LMLN: variants seen among roughly 807,000 people sequenced by gnomAD.
The protein encoded by LMLN is leishmanolysin-like peptidase.
A neutral mutation model predicts 92.3 loss-of-function variants in LMLN; 70 were observed. The ratio of observed to expected loss-of-function variants is 0.76; its 90% CI spans 0.63 to 0.92. The LOEUF (loss-of-function observed/expected upper bound fraction) is 0.92, where lower values mean the gene tolerates loss of function less well. Among genes scored for constraint, LMLN ranks in the 40% least tolerant of loss-of-function variants. The pLI, the probability that LMLN is intolerant of heterozygous loss-of-function variation, is 0.00. For missense variants in LMLN, 691 were observed against 814.6 expected (o/e 0.85, Z 1.85); for synonymous variants, 308 against 296.2 (o/e 1.04, Z -0.41).
At chr3:198,010,842 C>T (rs1470050468) in intron 11 of LMLN, among the ~76,000 whole-genome samples, 1 of 152,154 alleles carries the variant, frequency 6.6e-6, no homozygotes. Flanking sequence ...AAATTTTCCT[C>T]TTAGCATTTC....
intron 10 of LMLN, among the ~76,000 whole-genome samples, chr3:197,996,894 GC>G (rs1722034778): frequency 6.6e-6 from 1 of 152,096 alleles, no homozygotes; most frequent in Admixed American, 6.6e-5. Context: ...CAGTCCTCCT[GC>G]CTCAGCCTCC....
intron 8 of LMLN, 144 bp downstream of exon 8, chr3:197,986,034 G>C (rs1437186839): frequency 1.7e-6 from 1 of 580,384 alleles, no homozygotes; most frequent in Admixed American, 3.0e-5. Flanking sequence ...AACAAAATGG[G>C]ATATAAGAGG....
chr3:197,991,803 A>C (rs1305551564), intron 9 of LMLN, among the ~76,000 whole-genome samples: 1 of 151,868 alleles, frequency 6.6e-6, no homozygotes, highest in Admixed American at 6.6e-5. Context: ...CCCATCTCTG[A>C]AAATCTCTAA....
chr3:197,988,237 G>T (rs377600200), intron 8 of LMLN, among the ~76,000 whole-genome samples: 1 of 151,120 alleles, frequency 6.6e-6, no homozygotes, highest in South Asian at 2.1e-4. Context: ...TCCTGCCTCC[G>T]TCTCTCAAGC....
In LMLN at chr3:198,000,462, C is replaced by G. The variant is rs187342012; in HGVS notation, c.1232+1120C>G. On this transcript the variant is annotated intron_variant, in intron 11 of 15. Transcript: ENST00000330198. ...TCTTTTTTTGAGACGGAGTGTTGCT[C>G]TGTCACCCAGGCTGGAGTGCAGTGG... Among the ~76,000 whole-genome samples, 91 of 152,268 alleles carry G rather than the reference C, an allele frequency of 6.0e-4. 2 individuals carry two copies. The highest frequency in any genetic ancestry group is 4.9e-4 in the Non-Finnish European group (33 of 68,018).
At chr3:198,038,685 T>G in exon 16 of LMLN, 1 of 1,534,692 alleles carries the variant, frequency 6.5e-7, no homozygotes, top group African/African-American at 1.4e-5. Context: ...AAAGTGGATC[T>G]TCAAGATATT....
intron 14 of LMLN, among the ~76,000 whole-genome samples, chr3:198,030,063 C>T (rs554275409): frequency 6.6e-6 from 1 of 152,172 alleles, no homozygotes; most frequent in East Asian, 1.9e-4. Flanking sequence ...AGGCTGGTCT[C>T]AAAATCCTGA....
At chr3:197,985,690 G>A (rs1721686480) in intron 7 of LMLN, 106 bp from the exon 8 acceptor site, 3 of 636,148 alleles carry the variant, frequency 4.7e-6, no homozygotes, top group Admixed American at 2.5e-5. Flanking sequence ...AAGCACTGGC[G>A]TGGTGCTTCT....
At chr3:198,001,725 CTACAT>C (rs1452416114) in intron 11 of LMLN, among the ~76,000 whole-genome samples, 2 of 152,158 alleles carry the variant, frequency 1.3e-5, no homozygotes, top group Non-Finnish European at 2.9e-5. Flanking sequence ...TTGGAAGATG[CTACAT>C]TACACATTTG....
intron 11 of LMLN, among the ~76,000 whole-genome samples, chr3:198,006,189 G>A (rs1161841876): frequency 6.6e-6 from 1 of 152,136 alleles, no homozygotes; most frequent in African/African-American, 2.4e-5. Context: ...ACTTTTGAGC[G>A]TGGCTTTTTT....
chr3:197,976,845 A>G, intron 5 of LMLN, 130 bp downstream of exon 5: 1 of 465,438 alleles, frequency 2.1e-6, no homozygotes, highest in Non-Finnish European at 4.0e-6. Flanking sequence ...GTAACCACAG[A>G]TATGCTGATT....
chr3:198,038,852 C>T, exon 16 of LMLN: 1 of 502,170 alleles, frequency 2.0e-6, no homozygotes, highest in Non-Finnish European at 3.6e-6. Flanking sequence ...ATCAGCAACC[C>T]AACCACCTTC....
intron 11 of LMLN, among the ~76,000 whole-genome samples, chr3:198,013,662 C>G (rs1722521565): frequency 7.6e-6 from 1 of 132,102 alleles, no homozygotes; most frequent in Non-Finnish European, 1.6e-5. Context: ...TTCAGAGCCC[C>G]CTAACTAGTC....
At chr3:197,960,406 C>T (rs1336105094) in exon 1 of LMLN, 2 of 1,613,966 alleles carry the variant, frequency 1.2e-6, no homozygotes, top group Middle Eastern at 1.6e-4. Flanking sequence ...GGCAGTTCCC[C>T]TCCCTGCCGG....
intron 14 of LMLN, among the ~76,000 whole-genome samples, chr3:198,027,643 C>T (rs913442598): frequency 3.9e-5 from 6 of 152,148 alleles, no homozygotes; most frequent in Admixed American, 3.3e-4. Flanking sequence ...TTTTACTTAG[C>T]GTGGCATTCT....
intron 10 of LMLN, among the ~76,000 whole-genome samples, chr3:197,996,838 T>G (rs181683678): frequency 2.0e-5 from 3 of 152,126 alleles, no homozygotes; most frequent in Non-Finnish European, 2.9e-5. Flanking sequence ...GCTATTCACA[T>G]GCATGATCAT....
At chr3:197,971,006 T>C (rs1477988364) in intron 1 of LMLN, among the ~76,000 whole-genome samples, 1 of 152,230 alleles carries the variant, frequency 6.6e-6, no homozygotes, top group Non-Finnish European at 1.5e-5. Context: ...TTCCTCTTCA[T>C]TTTTGAAGGG....
At chr3:198,038,467 T>C in intron 15 of LMLN, 100 bp from the exon 17 acceptor site, 6 of 879,778 alleles carry the variant, frequency 6.8e-6, no homozygotes, top group Middle Eastern at 2.3e-4. Context: ...GGTCCTTGTT[T>C]ACTTTTTAAT....
rs1387193933 is a variant in LMLN at position 197,999,247 on chromosome 3, C to T, written c.1156-19C>T. On this transcript the variant is annotated intron_variant, in intron 10 of 15. Transcript: ENST00000330198. ...TTGCAGAGAATCTAGTCTAATTAAA[C>T]CCTGTTGGTGATTTTCAGAATGAAG... The T allele has an allele frequency of 1.9e-6, 3 of 1,585,318 alleles. No individual in the cohort carries two copies. Among genetic ancestry groups the T allele is most frequent in the African/African-American group, 1.3e-5 (1 of 74,278 alleles).
Sources: allele counts gnomAD v4.1 joint callset (sites outside exome capture counted in the v4.1 genomes callset), GRCh38; gene constraint gnomAD v4.1.1; transcripts MANE v1.5; gene names NCBI Gene and HGNC (gene_info 2026-07-23, HGNC 2026-07-21).